TRMT11: variants seen among roughly 807,000 people sequenced by gnomAD.
The protein encoded by TRMT11 is tRNA (guanine(10)-N(2))-methyltransferase TRMT11.
In TRMT11, 53 loss-of-function variants were observed where a neutral mutation model predicts 62.8. The observed-to-expected ratio is 0.84, with a 90% CI of 0.68 to 1.06. The LOEUF is 1.06. Ranked by LOEUF, TRMT11 falls within the 50% of genes least tolerant of loss-of-function variation. The probability of loss-of-function intolerance (pLI) is 0.00; values close to 1 mark genes in which losing one functional copy is unlikely to be tolerated. For synonymous variants in TRMT11, 188 were observed against 190.3 expected (o/e 0.99, Z 0.10); for missense variants, 556 against 553.4 (o/e 1.00, Z -0.05).
intron 7 of TRMT11, among the ~76,000 whole-genome samples, chr6:126,004,495 C>T (rs779441249): frequency 8.6e-5 from 13 of 151,986 alleles, no homozygotes; most frequent in Non-Finnish European, 1.6e-4. Flanking sequence ...AACATAATAA[C>T]CAATAATTGT....
rs376455950 is a variant in TRMT11 at position 126,129,039 on chromosome 6, C to G, written c.*1823+13184C>G. On this transcript the variant is annotated intron_variant and NMD_transcript_variant, in intron 21 of 22. Coordinates refer to the TRMT11 transcript ENST00000648977. ...TCAGGACACCTGGGTCTAGTCTCAG[C>G]TCTACCACGAACTAGCAATGTGGCC... Among the ~76,000 whole-genome samples, 26 of 151,844 alleles carry G rather than the reference C, an allele frequency of 1.7e-4. No homozygotes were observed. The East Asian group carries it at 4.9e-3, about 28-fold the overall frequency.
chr6:126,197,991 AG>A (rs1778685991), intron 1 of TRMT11, among the ~76,000 whole-genome samples: 1 of 152,192 alleles, frequency 6.6e-6, no homozygotes, highest in Non-Finnish European at 1.5e-5. Context: ...AAATAATAAA[AG>A]CTCCTTATCA....
the TRMT11 span, among the ~76,000 whole-genome samples, chr6:126,246,836 G>A: frequency 1.3e-5 from 2 of 152,178 alleles, no homozygotes; most frequent in Non-Finnish European, 2.9e-5. Flanking sequence ...TAAATTTATA[G>A]TAGTTCTCAA....
chr6:126,042,342 A>C, downstream of TRMT11, among the ~76,000 whole-genome samples: 1 of 152,214 alleles, frequency 6.6e-6, no homozygotes, highest in South Asian at 2.1e-4. Context: ...AACTGAGGCC[A>C]ACCTGGAATT....
chr6:126,075,757 A>G (rs1777003632), intron 17 of TRMT11, among the ~76,000 whole-genome samples: 1 of 152,092 alleles, frequency 6.6e-6, no homozygotes, highest in Non-Finnish European at 1.5e-5. Flanking sequence ...ACAAATCCCC[A>G]AGTTTCCCAC....
intron 2 of TRMT11, among the ~76,000 whole-genome samples, chr6:125,994,993 G>C (rs959801926): frequency 9.2e-5 from 14 of 152,170 alleles, no homozygotes; most frequent in Non-Finnish European, 1.9e-4. Flanking sequence ...GGTGGAGTCT[G>C]GTGAAGGAGA....
chr6:126,131,206 A>G (rs1777777747), intron 21 of TRMT11, among the ~76,000 whole-genome samples: 1 of 152,116 alleles, frequency 6.6e-6, no homozygotes, highest in African/African-American at 2.4e-5. Flanking sequence ...CAGGCATGAA[A>G]TATAAGAATT....
At chr6:126,243,932 T>TA in the TRMT11 span, among the ~76,000 whole-genome samples, 1 of 151,638 alleles carries the variant, frequency 6.6e-6, no homozygotes, top group African/African-American at 2.4e-5. Flanking sequence ...TAAAGTATAA[T>TA]AAAAAAAGGG....
intron 8 of TRMT11, among the ~76,000 whole-genome samples, chr6:126,010,581 C>T (rs749597289): frequency 2.6e-5 from 4 of 152,098 alleles, no homozygotes; most frequent in African/African-American, 4.8e-5. Context: ...TGGCCTTCAA[C>T]TACCTGCTGA....
At chr6:126,015,974 A>G (rs1005772731) in intron 11 of TRMT11, among the ~76,000 whole-genome samples, 2 of 152,144 alleles carry the variant, frequency 1.3e-5, no homozygotes, top group Admixed American at 6.5e-5. Context: ...CCTCCTGGTA[A>G]TGTTAACTTT....
At chr6:126,162,603 T>C (rs1014321924) in intron 21 of TRMT11, among the ~76,000 whole-genome samples, 5 of 152,222 alleles carry the variant, frequency 3.3e-5, no homozygotes, top group African/African-American at 1.2e-4. Context: ...GTGAAGAAAG[T>C]CAATGGTAGC....
intron 17 of TRMT11, among the ~76,000 whole-genome samples, chr6:126,074,471 A>T (rs1776952509): frequency 6.6e-6 from 1 of 152,184 alleles, no homozygotes; most frequent in African/African-American, 2.4e-5. Flanking sequence ...CTAAGCTCAA[A>T]TATTTTAAAT....
chr6:126,249,755 G>A, the TRMT11 span, among the ~76,000 whole-genome samples: 2 of 152,086 alleles, frequency 1.3e-5, no homozygotes, highest in Non-Finnish European at 2.9e-5. Context: ...CACAATAGAG[G>A]TAGTAGTGAG....
intron 11 of TRMT11, among the ~76,000 whole-genome samples, chr6:126,014,123 G>A (rs1476584247): frequency 2.0e-5 from 3 of 152,124 alleles, no homozygotes; most frequent in African/African-American, 4.8e-5. Context: ...AAGACAAGAC[G>A]TTTGAACAAG....
At chr6:126,043,708 A>G (rs913467288), downstream of TRMT11, among the ~76,000 whole-genome samples, 8 of 151,694 alleles carry the variant, frequency 5.3e-5, no homozygotes, top group South Asian at 2.1e-4. Context: ...CATCCTCTCC[A>G]GCACCTGTTG....
At chr6:126,126,843 G>A (rs1777725119) in intron 21 of TRMT11, among the ~76,000 whole-genome samples, 1 of 152,054 alleles carries the variant, frequency 6.6e-6, no homozygotes, top group African/African-American at 2.4e-5. Flanking sequence ...TATCCAAGTT[G>A]AGCAGAATAC....
intron 21 of TRMT11, among the ~76,000 whole-genome samples, chr6:126,135,408 A>C (rs997822873): frequency 6.6e-6 from 1 of 151,696 alleles, no homozygotes; most frequent in Non-Finnish European, 1.5e-5. Context: ...TATATTCTGA[A>C]CACATACAAC....
intron 21 of TRMT11, among the ~76,000 whole-genome samples, chr6:126,159,995 A>G (rs1339272670): frequency 3.9e-5 from 6 of 152,182 alleles, no homozygotes; most frequent in African/African-American, 1.2e-4. Flanking sequence ...CAGCAGGACT[A>G]TCCTGTCTGA....
At chr6:126,019,633 A>T (rs1289412428) in intron 11 of TRMT11, among the ~76,000 whole-genome samples, 1 of 152,210 alleles carries the variant, frequency 6.6e-6, no homozygotes, top group Non-Finnish European at 1.5e-5. Context: ...CAGCATCTAT[A>T]GATCCTACGG....
Sources: allele counts gnomAD v4.1 joint callset (sites outside exome capture counted in the v4.1 genomes callset), GRCh38; gene constraint gnomAD v4.1.1; transcripts MANE v1.5; gene names NCBI Gene and HGNC (gene_info 2026-07-23, HGNC 2026-07-21).